The following ADAM10 variants were observed in gnomAD, a reference collection of about 807,000 sequenced individuals.
ADAM10 encodes ADAM metallopeptidase domain 10.
Under a neutral mutation model 90.1 loss-of-function variants are expected in ADAM10, and 17 were observed. The ratio of observed to expected loss-of-function variants is 0.19; its 90% confidence interval spans 0.13 to 0.28. The LOEUF (loss-of-function observed/expected upper bound fraction) is 0.28, where lower values mean the gene tolerates loss of function less well. Among genes scored for constraint, ADAM10 ranks in the 10% least tolerant of loss-of-function variants. The probability of loss-of-function intolerance (pLI) is 1.00; values close to 1 mark genes in which losing one functional copy is unlikely to be tolerated. For synonymous variants in ADAM10, 310 were observed against 298.6 expected (o/e 1.04, Z -0.40); for missense variants, 610 against 914.3 (o/e 0.67, Z 4.29).
At position 58,592,809 on chromosome 15, in the gene ADAM10, G is replaced by T. The variant is rs1312309362; in HGVS notation, c.*4738C>A. On this transcript the variant is annotated 3_prime_UTR_variant, in exon 16 of 16. Transcript: ENST00000260408. ...AGTATAACTTGGTACATCTATCTGG[G>T]AGACAGTACCATAATTTTTATCAAT... 1.3e-5 allele frequency: 2 copies of T among 150,184 alleles called. No individual in the cohort carries two copies. The highest frequency in any genetic ancestry group is 3.0e-5 in the Non-Finnish European group (2 of 67,644). The allele number at this position is 150,184 out of a possible 1,614,324, so 9.3% of individuals were successfully genotyped here. A position where few individuals can be genotyped will look rare whatever the true frequency, so the allele number is the denominator to read the frequency against.
chr15:58,710,279 A>T (rs1387707581), intron 2 of ADAM10, among the ~76,000 whole-genome samples: 2 of 152,180 alleles, frequency 1.3e-5, no homozygotes, highest in East Asian at 3.8e-4. Flanking sequence ...AATAAAATTG[A>T]TATTTCATAT....
intron 2 of ADAM10, among the ~76,000 whole-genome samples, chr15:58,687,709 T>C (rs1428677925): frequency 6.6e-6 from 1 of 152,026 alleles, no homozygotes; most frequent in African/African-American, 2.4e-5. Flanking sequence ...TACAATAGGA[T>C]AGAATTTAGT....
At chr15:58,598,436 A>G (rs1237237736) in intron 15 of ADAM10, among the ~76,000 whole-genome samples, 1 of 152,204 alleles carries the variant, frequency 6.6e-6, no homozygotes, top group Non-Finnish European at 1.5e-5. Flanking sequence ...AATTTCCTCT[A>G]ACTCTCACTA....
intron 9 of ADAM10, among the ~76,000 whole-genome samples, chr15:58,632,333 C>T (rs914261325): frequency 6.6e-6 from 1 of 151,980 alleles, no homozygotes; most frequent in African/African-American, 2.4e-5. Context: ...TACTGAAATA[C>T]GTAAGGATAG....
intron 1 of ADAM10, among the ~76,000 whole-genome samples, chr15:58,721,279 C>T (rs1276044699): frequency 1.3e-5 from 2 of 152,146 alleles, no homozygotes; most frequent in Non-Finnish European, 2.9e-5. Context: ...TGAGATAGAA[C>T]ATGATTCATA....
At chr15:58,634,224 C>G (rs765022618) in intron 8 of ADAM10, among the ~76,000 whole-genome samples, 5 of 151,582 alleles carry the variant, frequency 3.3e-5, no homozygotes, top group Non-Finnish European at 7.4e-5. Flanking sequence ...ATTGCCTGAA[C>G]CCAGGAGGTG....
At chr15:58,612,565 C>T (rs1485275050) in intron 11 of ADAM10, among the ~76,000 whole-genome samples, 6 of 152,134 alleles carry the variant, frequency 3.9e-5, no homozygotes, top group African/African-American at 1.4e-4. Context: ...CTTGCTGTTG[C>T]TGCACCTGGT....
chr15:58,674,384 C>G (rs1897266921), intron 4 of ADAM10, among the ~76,000 whole-genome samples: 1 of 152,176 alleles, frequency 6.6e-6, no homozygotes, highest in Non-Finnish European at 1.5e-5. Flanking sequence ...GTTCAGAAGT[C>G]AAACAATCAG....
At chr15:58,700,629 G>A (rs570152287) in intron 2 of ADAM10, among the ~76,000 whole-genome samples, 171 of 152,078 alleles carry the variant, frequency 1.1e-3, no homozygotes, top group African/African-American at 3.9e-3. Context: ...CAAAAAATAT[G>A]GAAAGATTTC....
At chr15:58,666,269 C>T (rs1446094063) in intron 4 of ADAM10, among the ~76,000 whole-genome samples, 1 of 149,890 alleles carries the variant, frequency 6.7e-6, no homozygotes, top group African/African-American at 2.4e-5. Flanking sequence ...CCCCAACGCC[C>T]CTGAAGGGAG....
intron 2 of ADAM10, chr15:58,692,766 G>T (rs1213610273): frequency 1.6e-6 from 1 of 607,290 alleles, no homozygotes; most frequent in African/African-American, 1.8e-5. Flanking sequence ...GCTTTGTGAT[G>T]GCTACTTTCT....
At chr15:58,641,094 G>C (rs1335669936) in intron 7 of ADAM10, 134 bp from the exon 8 acceptor site, 1 of 853,774 alleles carries the variant, frequency 1.2e-6, no homozygotes, top group Non-Finnish European at 1.9e-6. Flanking sequence ...AGGCTTCTAA[G>C]GTTGTTCCCA....
chr15:58,626,889 G>A (rs1895964766), intron 10 of ADAM10, among the ~76,000 whole-genome samples: 1 of 152,014 alleles, frequency 6.6e-6, no homozygotes, highest in African/African-American at 2.4e-5. Context: ...GAATGTAATT[G>A]ATTACATTCA....
intron 2 of ADAM10, among the ~76,000 whole-genome samples, chr15:58,687,651 C>T (rs1486024004): frequency 7.4e-6 from 1 of 135,232 alleles, no homozygotes; most frequent in African/African-American, 3.4e-5. Context: ...AACAAAACTC[C>T]ATACTTTTTA....
chr15:58,640,694 T>C (rs1051366745), intron 8 of ADAM10, 83 bp downstream of exon 8: 12 of 1,331,766 alleles, frequency 9.0e-6, no homozygotes, highest in Admixed American at 1.9e-5. Context: ...CACTTTCTCC[T>C]ATACTTTGAA....
chr15:58,625,689 C>T (rs529138412), intron 10 of ADAM10, among the ~76,000 whole-genome samples: 5 of 152,200 alleles, frequency 3.3e-5, no homozygotes, highest in African/African-American at 1.2e-4. Flanking sequence ...TATGTTTATA[C>T]AAAAAACCTG....
intron 1 of ADAM10, among the ~76,000 whole-genome samples, chr15:58,731,745 A>ACACG (rs1321155615): frequency 6.6e-6 from 1 of 152,232 alleles, no homozygotes; most frequent in African/African-American, 2.4e-5. Context: ...TGGAGGATGA[A>ACACG]CATGCACCTT....
At chr15:58,626,057 C>T (rs1429779645) in intron 10 of ADAM10, among the ~76,000 whole-genome samples, 3 of 151,932 alleles carry the variant, frequency 2.0e-5, no homozygotes, top group Admixed American at 1.3e-4. Flanking sequence ...AATGACAGAA[C>T]TGTTCTGATT....
At chr15:58,624,290 A>C (rs1895874584) in intron 10 of ADAM10, among the ~76,000 whole-genome samples, 1 of 152,128 alleles carries the variant, frequency 6.6e-6, no homozygotes, top group South Asian at 2.1e-4. Flanking sequence ...GTCTCAAAAA[A>C]AAAGCAAAAA....
Sources: gnomAD v4.1 joint callset for allele counts (sites outside exome capture counted in the v4.1 genomes callset) on GRCh38, gnomAD v4.1.1 for gene constraint, MANE v1.5 for transcripts, NCBI Gene and HGNC (gene_info 2026-07-23, HGNC 2026-07-21) for gene names.